WWOX: variants seen among roughly 807,000 people sequenced by gnomAD.
WWOX encodes WW domain-containing oxidoreductase.
Under a neutral mutation model 46.2 loss-of-function variants are expected in WWOX, and 69 were observed. The observed-to-expected ratio is 1.49, with a 90% CI of 1.23 to 1.82. The LOEUF (loss-of-function observed/expected upper bound fraction) is 1.82, where lower values mean the gene tolerates loss of function less well. WWOX is among the 40% of genes most tolerant of loss of function. The pLI is 0.00. For missense variants in WWOX, 919 were observed against 542.6 expected, an observed-to-expected ratio of 1.69 and a Z score of -6.89; for synonymous variants, 359 against 202.6, an observed-to-expected ratio of 1.77 and a Z score of -6.56.
At chr16:78,520,645 A>C (rs2043328154) in intron 8 of WWOX, among the ~76,000 whole-genome samples, 1 of 151,974 alleles carries the variant, frequency 6.6e-6, no homozygotes, top group Non-Finnish European at 1.5e-5. Flanking sequence ...GCAGGGCAGG[A>C]CGGCCCTGGC....
intron 5 of WWOX, among the ~76,000 whole-genome samples, chr16:78,189,536 T>C (rs577077515): frequency 1.6e-4 from 25 of 152,286 alleles, no homozygotes; most frequent in African/African-American, 5.8e-4. Context: ...GCATATACCA[T>C]TGGGACAAGA....
In WWOX at chr16:78,905,651, G is replaced by A. The variant is rs1391385753; in HGVS notation, c.1057-305957G>A. 2.6e-5 allele frequency among the ~76,000 whole-genome samples: 4 copies of A among 152,112 alleles called. No individual in the cohort carries two copies. The East Asian group carries it at 7.7e-4, about 29-fold the overall frequency. ...CAGCTGTGGCCCCTTCCAAAGTGCTGGGATTAGATGCATGAGCCACCTGGC... is the reference window on the plus strand; with the variant it reads ...CAGCTGTGGCCCCTTCCAAAGTGCTAGGATTAGATGCATGAGCCACCTGGC... On this transcript the variant is annotated intron_variant, in intron 8 of 8. Coordinates refer to ENST00000566780, the MANE Select transcript of WWOX (RefSeq NM_016373.4).
chr16:78,388,958 A>G (rs372825359), intron 6 of WWOX, among the ~76,000 whole-genome samples: 50 of 143,812 alleles, frequency 3.5e-4, no homozygotes, highest in African/African-American at 9.8e-4. Context: ...GACAAGAGCA[A>G]AACTCTGTCT....
chr16:78,498,478 C>T (rs1177648626), intron 8 of WWOX, among the ~76,000 whole-genome samples: 1 of 152,140 alleles, frequency 6.6e-6, no homozygotes, highest in African/African-American at 2.4e-5. Flanking sequence ...TGATAAAACT[C>T]TACCCACTGA....
intron 5 of WWOX, among the ~76,000 whole-genome samples, chr16:78,276,510 A>G (rs1382768930): frequency 2.0e-5 from 3 of 151,992 alleles, no homozygotes; most frequent in African/African-American, 7.3e-5. Context: ...CGCGAGCCCC[A>G]CTCTTCTCCC....
intron 8 of WWOX, among the ~76,000 whole-genome samples, chr16:78,436,725 G>A (rs1234367716): frequency 6.6e-6 from 1 of 152,100 alleles, no homozygotes; most frequent in Admixed American, 6.6e-5. Context: ...CTGTATTTAG[G>A]AGAGGAATCA....
chr16:78,762,143 G>C (rs895931731), intron 8 of WWOX, among the ~76,000 whole-genome samples: 1 of 152,170 alleles, frequency 6.6e-6, no homozygotes, highest in East Asian at 1.9e-4. Flanking sequence ...CCATTTTATA[G>C]ATTAGGAAAC....
In WWOX at chr16:78,786,537, T is replaced by C. The variant is rs2050461341; in HGVS notation, c.1056+353785T>C. 2.0e-5 allele frequency among the ~76,000 whole-genome samples: 3 copies of C among 152,218 alleles called. No homozygotes were observed. In the South Asian group the frequency reaches 6.2e-4, roughly 31 times the overall value. On this transcript the variant is annotated intron_variant, in intron 8 of 8. Transcript: ENST00000566780. ...AGTAACCTTATATAATGTTTTTCTT[T>C]TAATTGTTTTATTGAGATGTATTTC...
intron 8 of WWOX, among the ~76,000 whole-genome samples, chr16:78,943,802 G>A (rs530470898): frequency 1.6e-4 from 25 of 152,202 alleles, no homozygotes; most frequent in Middle Eastern, 3.4e-3. Context: ...CTTTCCCACC[G>A]CACATCACTG....
intron 5 of WWOX, among the ~76,000 whole-genome samples, chr16:78,248,122 A>G (rs2037868656): frequency 1.3e-5 from 2 of 152,158 alleles, no homozygotes; most frequent in South Asian, 2.1e-4. Context: ...AGACTGGGTA[A>G]TTTATTTAAA....
intron 8 of WWOX, among the ~76,000 whole-genome samples, chr16:78,912,479 G>A (rs1006857932): frequency 6.6e-6 from 1 of 151,898 alleles, no homozygotes; most frequent in Non-Finnish European, 1.5e-5. Context: ...CCACTAACAC[G>A]GGATCTGTCA....
rs1567596338 is a variant in WWOX at position 78,144,464 on chromosome 16, C to CGTATAT, written c.410-19719_410-19718insGTATAT. Reference sequence around the variant, plus strand: ...ATATATATACACATATATATATATACACACATATATATATATATATATACA... The same window carrying CGTATAT: ...ATATATATACACATATATATATATACGTATATACACATATATATATATATATATACA... On this transcript the variant is annotated intron_variant, in intron 4 of 8. Transcript: ENST00000566780. Among the ~76,000 whole-genome samples the CGTATAT allele has an allele frequency of 9.5e-4, 17 of 17,954 alleles. 1 individual carries two copies. The highest frequency in any genetic ancestry group is 6.0e-3 in the East Asian group (2 of 334). 11.8% of individuals were successfully genotyped at this position (17,954 alleles called of 152,430 possible).
At chr16:78,478,245 T>C (rs1208824125) in intron 8 of WWOX, among the ~76,000 whole-genome samples, 1 of 152,218 alleles carries the variant, frequency 6.6e-6, no homozygotes, top group Admixed American at 6.5e-5. Flanking sequence ...AAATACTGTA[T>C]TTATGGCCTA....
chr16:78,113,759 C>G (rs2032622099), intron 3 of WWOX, among the ~76,000 whole-genome samples: 1 of 152,030 alleles, frequency 6.6e-6, no homozygotes, highest in African/African-American at 2.4e-5. Flanking sequence ...CCAGTTTGAG[C>G]CAGTCTAGCA....
At chr16:79,195,265 G>A (rs1017484225) in intron 8 of WWOX, among the ~76,000 whole-genome samples, 5 of 152,046 alleles carry the variant, frequency 3.3e-5, no homozygotes, top group African/African-American at 1.2e-4. Flanking sequence ...ACACCTGTAG[G>A]GGAACGTAGC....
intron 8 of WWOX, among the ~76,000 whole-genome samples, chr16:78,477,005 G>A (rs1206100199): frequency 2.0e-5 from 3 of 151,650 alleles, no homozygotes; most frequent in South Asian, 4.2e-4. Context: ...TTGTGTCTGC[G>A]CTTTTGTTGG....
chr16:78,219,903 C>A (rs560241188), intron 5 of WWOX, among the ~76,000 whole-genome samples: 3 of 152,050 alleles, frequency 2.0e-5, no homozygotes, highest in Admixed American at 1.3e-4. Context: ...CTGAAACTTA[C>A]CAAACATTGT....
chr16:79,180,753 C>T (rs1321679092), intron 8 of WWOX, among the ~76,000 whole-genome samples: 2 of 152,050 alleles, frequency 1.3e-5, no homozygotes, highest in African/African-American at 4.8e-5. Context: ...ATCTATTCAT[C>T]TATCCATCCA....
At chr16:78,505,564 C>T (rs1325449703) in intron 8 of WWOX, among the ~76,000 whole-genome samples, 1 of 152,168 alleles carries the variant, frequency 6.6e-6, no homozygotes, top group Non-Finnish European at 1.5e-5. Flanking sequence ...AAGTGCTGGG[C>T]TACAGCGCCC....
Sources: allele counts gnomAD v4.1 joint callset (sites outside exome capture counted in the v4.1 genomes callset), GRCh38; gene constraint gnomAD v4.1.1; transcripts MANE v1.5; gene names NCBI Gene and HGNC (gene_info 2026-07-23, HGNC 2026-07-21).